The following PDCD11 variants were observed in gnomAD, a reference collection of about 807,000 sequenced individuals.
PDCD11 encodes protein RRP5 homolog.
In PDCD11, 97 loss-of-function variants were observed where a neutral mutation model predicts 198.9. The observed-to-expected ratio is 0.49, with a 90% CI of 0.41 to 0.58. The LOEUF (loss-of-function observed/expected upper bound fraction) is 0.58. Ranked by LOEUF, PDCD11 falls within the 20% of genes least tolerant of loss-of-function variation. The pLI is 0.00. For synonymous variants in PDCD11, 893 were observed against 918.0 expected, an observed-to-expected ratio of 0.97 and a Z score of 0.49; for missense variants, 2,102 against 2,312.7, an observed-to-expected ratio of 0.91 and a Z score of 1.87.
chr10:103,403,062 C>A, intron 3 of PDCD11, 56 bp from the exon 4 acceptor site: 4 of 1,520,668 alleles, frequency 2.6e-6, no homozygotes, highest in Non-Finnish European at 3.6e-6. Flanking sequence ...GACCTTCCAA[C>A]CTTCCCTATT....
intron 1 of PDCD11, 67 bp downstream of exon 1, chr10:103,396,797 C>T (rs1399074170): frequency 6.6e-6 from 1 of 152,270 alleles, no homozygotes; most frequent in African/African-American, 2.4e-5. Context: ...AGGCCTGGTT[C>T]CCTGCCAGGC....
intron 16 of PDCD11, among the ~76,000 whole-genome samples, chr10:103,420,880 T>TG (rs2031383568): frequency 6.6e-6 from 1 of 151,362 alleles, no homozygotes; most frequent in South Asian, 2.1e-4. Context: ...TTTTTGTTTT[T>TG]GTTTTTTTTT....
intron 8 of PDCD11, among the ~76,000 whole-genome samples, chr10:103,410,786 T>C (rs1460758440): frequency 1.3e-5 from 2 of 151,632 alleles, no homozygotes; most frequent in Non-Finnish European, 2.9e-5. Flanking sequence ...TAAAAAAAAT[T>C]TTTTTTAGGC....
At chr10:103,422,392 T>C (rs2031489347) in intron 17 of PDCD11, among the ~76,000 whole-genome samples, 1 of 151,662 alleles carries the variant, frequency 6.6e-6, no homozygotes, top group Admixed American at 6.6e-5. Context: ...AAGTGCACAG[T>C]TATTATGTGT....
chr10:103,415,541 A>G (rs1420690915), intron 12 of PDCD11, among the ~76,000 whole-genome samples: 1 of 152,234 alleles, frequency 6.6e-6, no homozygotes, highest in Non-Finnish European at 1.5e-5. Flanking sequence ...GCATGTGACA[A>G]GCATTATTTC....
chr10:103,408,151 T>C (rs1447545376), intron 7 of PDCD11, among the ~76,000 whole-genome samples: 2 of 152,202 alleles, frequency 1.3e-5, no homozygotes, highest in Non-Finnish European at 2.9e-5. Flanking sequence ...CAATTCTGCA[T>C]GTTTTCAAAC....
At chr10:103,416,447 C>T (rs1299649090) in intron 12 of PDCD11, 44 bp from the exon 13 acceptor site, 5 of 1,605,254 alleles carry the variant, frequency 3.1e-6, no homozygotes, top group Non-Finnish European at 3.4e-6. Context: ...CAGTGGCTCT[C>T]ATGATAACAG....
intron 17 of PDCD11, among the ~76,000 whole-genome samples, chr10:103,422,257 T>A (rs1301889934): frequency 1.3e-5 from 2 of 151,462 alleles, no homozygotes; most frequent in Admixed American, 1.3e-4. Flanking sequence ...ATTTTTGTAT[T>A]TTTAGAGAAG....
intron 4 of PDCD11, among the ~76,000 whole-genome samples, chr10:103,403,909 C>T (rs1472205403): frequency 6.6e-6 from 1 of 152,118 alleles, no homozygotes; most frequent in Non-Finnish European, 1.5e-5. Context: ...TTCTAGGTTT[C>T]TGTTTTGCAT....
intron 12 of PDCD11, among the ~76,000 whole-genome samples, chr10:103,415,800 C>A (rs1047489672): frequency 1.3e-5 from 2 of 152,122 alleles, no homozygotes; most frequent in African/African-American, 4.8e-5. Context: ...ATAGCCCTGG[C>A]AAAGCTGCCA....
rs778717527 is a variant in PDCD11, at chr10:103,415,132, G to C, written c.1499G>C (p.Gly500Ala). ...MKNPEKKYHI[G>A]DEVKCRVLLC... ...AATCCGGAGAAGAAGTACCACATCG[G>C]GGATGAGGTCAAGTGCCGGGTGAGC... Residue 500 changes from glycine to alanine, a missense_variant, in exon 12 of 36, where the codon GGG (glycine) becomes GCG (alanine). Coordinates refer to ENST00000369797, the MANE Select transcript of PDCD11 (RefSeq NM_014976.2). The C allele has an allele frequency of 5.0e-6, 8 of 1,613,988 alleles. No homozygotes were observed. In the South Asian group the frequency reaches 8.8e-5, roughly 18 times the overall value.
At position 103,423,105 on chromosome 10, in the gene PDCD11, T is replaced by C; in HGVS notation, c.2615T>C (p.Leu872Pro). Residue 872 changes from leucine to proline, a missense_variant, in exon 18 of 36, where the codon CTG becomes CCG. Leu to Pro is a moderately conservative substitution (Grantham distance 98, BLOSUM62 -3). Coordinates refer to ENST00000369797, the MANE Select transcript of PDCD11 (RefSeq NM_014976.2). The stretch of plus-strand genomic sequence containing the variant: ...TTCAGTGGGGGTCCAGTGCCCGACC[T>C]GGTCCTGAAAGCCAGCAGATACCAT... Reference protein sequence around the residue: ...VVFSGGPVPDLVLKASRYHRA... With the variant: ...VVFSGGPVPDPVLKASRYHRA... 6.3e-7 allele frequency: 1 copy of C among 1,595,282 alleles called. No individual in the cohort carries two copies. The highest frequency in any genetic ancestry group is 8.5e-7 in the Non-Finnish European group (1 of 1,171,456).
At position 103,413,116 on chromosome 10, in the gene PDCD11, G is replaced by T; in HGVS notation, c.979G>T (p.Val327Leu). The change falls in exon 9 of 36, where the codon GTG becomes TTG. Residue 327 changes from valine (V) to leucine (L), a missense_variant and splice_region_variant. Physicochemically the swap from Val to Leu is conservative, Grantham distance 32. Transcript: ENST00000369797. ...KAGTYFSNQA[V>L]RACILCVHPR... ...TCACCCTGCCCTTCCTTTTGTCTAG[G>T]TGAGGGCCTGCATCCTTTGCGTCCA... 6.2e-7 allele frequency: 1 copy of T among 1,613,782 alleles called. No individual in the cohort carries two copies. Among genetic ancestry groups the T allele is most frequent in the East Asian group, 2.2e-5 (1 of 44,882 alleles).
At position 103,424,420 on chromosome 10, in the gene PDCD11, C is replaced by T. The variant is rs1270882839; in HGVS notation, c.2764-564C>T. On this transcript the variant is annotated intron_variant, in intron 19 of 35. Transcript: ENST00000369797. ...AGAGAATGGAAAGCAATACTAACCT[C>T]TCATTCAGTTTTCTAGCAGGACCCT... Among the ~76,000 whole-genome samples the T allele has an allele frequency of 3.9e-5, 6 of 152,194 alleles. No individual in the cohort carries two copies. In the East Asian group the frequency reaches 1.2e-3, roughly 29 times the overall value.
intron 18 of PDCD11, 52 bp from the exon 19 acceptor site, chr10:103,423,491 C>G: frequency 7.5e-7 from 1 of 1,330,838 alleles, no homozygotes; most frequent in Non-Finnish European, 1.1e-6. Context: ...AGGTGCTGCT[C>G]TCCCTTCACT....
chr10:103,434,868 G>A lies in PDCD11; in HGVS notation c.3738G>A (p.Leu1246=). Residue 1246 remains leucine (L), a synonymous_variant, in exon 25 of 36, where the codon CTG becomes CTA. Coordinates refer to ENST00000369797, the MANE Select transcript of PDCD11 (RefSeq NM_014976.2). ...TGAAGGTGACTCCCAACGAGGGGCT[G>A]ACCGTCTCCTTCCCCTTTGGGAAGA... ...RVVKVTPNEG[L]TVSFPFGKIG... The A allele has an allele frequency of 6.2e-7, 1 of 1,613,044 alleles. No homozygotes were observed. Among genetic ancestry groups the A allele is most frequent in the Non-Finnish European group, 8.5e-7 (1 of 1,179,568 alleles).
chr10:103,443,844 G>T, intron 33 of PDCD11, 71 bp from the exon 34 acceptor site: 1 of 1,487,166 alleles, frequency 6.7e-7, no homozygotes, highest in Non-Finnish European at 9.3e-7. Flanking sequence ...TCTTGTGAGT[G>T]TTGCTGCTTG....
chr10:103,405,853 C>CT, intron 5 of PDCD11, 132 bp from the exon 6 acceptor site: 1 of 959,282 alleles, frequency 1.0e-6, no homozygotes, highest in Non-Finnish European at 1.6e-6. Flanking sequence ...GGGATTGTGG[C>CT]TTAAGGTTTA....
In PDCD11 at chr10:103,434,329, C is replaced by T. The variant is rs2986014; in HGVS notation, c.3646C>T (p.Leu1216Phe). The stretch of plus-strand genomic sequence containing the variant: ...TGTTGGCCCAGATTCCTCCAAGACC[C>T]TCTTATGTCTGTCCCTCACAGGTGT... ...TVVGPDSSKT[L>F]LCLSLTGPHK... The change falls in exon 24 of 36, where the codon CTC becomes TTC. Residue 1216 changes from leucine to phenylalanine, a missense_variant. Transcript: ENST00000369797. 660,096 of 1,605,060 alleles carry T rather than the reference C, an allele frequency of 0.41. 138,604 individuals carry two copies. The highest frequency in any genetic ancestry group is 0.59 in the South Asian group (53,359 of 90,838).
Sources: gnomAD v4.1 joint callset for allele counts (sites outside exome capture counted in the v4.1 genomes callset) on GRCh38, gnomAD v4.1.1 for gene constraint, MANE v1.5 for transcripts, NCBI Gene and HGNC (gene_info 2026-07-23, HGNC 2026-07-21) for gene names.